DMGDH: variants seen among roughly 807,000 people sequenced by gnomAD.
DMGDH encodes the protein dimethylglycine dehydrogenase, mitochondrial.
Under a neutral mutation model 95.2 loss-of-function variants are expected in DMGDH, and 76 were observed. The ratio of observed to expected loss-of-function variants is 0.80; its 90% CI spans 0.66 to 0.97. The LOEUF is 0.97. Ranked by LOEUF, DMGDH falls within the 50% of genes least tolerant of loss-of-function variation. DMGDH has a pLI of 0.00. For synonymous variants in DMGDH, 345 were observed against 377.6 expected, an observed-to-expected ratio of 0.91 and a Z score of 1.00; for missense variants, 987 against 1,055.0, an observed-to-expected ratio of 0.94 and a Z score of 0.89.
At chr5:79,047,199 A>G (rs1293525946) in intron 5 of DMGDH, among the ~76,000 whole-genome samples, 7 of 152,166 alleles carry the variant, frequency 4.6e-5, no homozygotes, top group African/African-American at 1.7e-4. Context: ...AAAATCTACC[A>G]TTATCACCTG....
At chr5:79,059,613 G>A (rs142526928) in intron 2 of DMGDH, among the ~76,000 whole-genome samples, 321 of 152,308 alleles carry the variant, frequency 2.1e-3, no homozygotes, top group African/African-American at 6.9e-3. Context: ...ATATATGAGA[G>A]TTTTTCTATG....
chr5:79,015,719 C>T (rs1468335207), intron 14 of DMGDH, among the ~76,000 whole-genome samples: 1 of 152,152 alleles, frequency 6.6e-6, no homozygotes. Context: ...GCTCTAAGTG[C>T]TGTAAGGAGA....
rs372502808 is a variant in DMGDH, at chr5:79,033,239, C to T, written c.1363G>A (p.Val455Ile). 3.1e-6 allele frequency: 5 copies of T among 1,614,016 alleles called. No homozygotes were observed. Among genetic ancestry groups the T allele is most frequent in the East Asian group, 4.5e-5 (2 of 44,868 alleles). ...ARESYGFNNI[V>I]GYPKEERFAG... ...AGACAACAGTACATTTGTACCTTACCAATATTGTTGAATCCATATGATTCT... is the reference window on the plus strand; with the variant it reads ...AGACAACAGTACATTTGTACCTTACTAATATTGTTGAATCCATATGATTCT... Residue 455 changes from valine to isoleucine, a missense_variant and splice_region_variant, in exon 8 of 16, where the codon GTT (valine) becomes ATT (isoleucine). By Grantham distance (29) the Val-to-Ile change is conservative. Transcript: ENST00000255189.
intron 15 of DMGDH, chr5:79,000,315 C>T: frequency 1.5e-6 from 1 of 673,578 alleles, no homozygotes; most frequent in Non-Finnish European, 2.8e-6. Context: ...CTGCTCTTTC[C>T]CCATCATCCT....
In DMGDH at chr5:79,001,058, G is replaced by A. The variant is rs1359775973; in HGVS notation, c.2386-2761C>T. 6.0e-5 allele frequency: 40 copies of A among 666,944 alleles called. No homozygotes were observed. The East Asian group carries it at 1.0e-3, about 17-fold the overall frequency. 41.3% of individuals were successfully genotyped at this position (666,944 alleles called of 1,614,324 possible). A position where few individuals can be genotyped will look rare whatever the true frequency, so the allele number is the denominator to read the frequency against. ...TGACACACCATTCCTCGCCATCAAT[G>A]GCTACCATTGCTTCAATTTCCTCAT... On this transcript the variant is annotated intron_variant, in intron 15 of 15. Coordinates refer to ENST00000255189, the MANE Select transcript of DMGDH (RefSeq NM_013391.3).
intron 14 of DMGDH, among the ~76,000 whole-genome samples, 183 bp downstream of exon 14, chr5:79,024,088 T>G (rs975876984): frequency 6.6e-6 from 1 of 152,218 alleles, no homozygotes; most frequent in South Asian, 2.1e-4. Flanking sequence ...CACACTCCAA[T>G]AGTTTGAACT....
chr5:79,030,902 G>A lies in DMGDH; in HGVS notation c.1614C>T (p.Gly538=), dbSNP rs745935450. The change falls in exon 10 of 16, where the codon GGC becomes GGT. Residue 538 remains glycine, a synonymous_variant. Transcript: ENST00000255189. ...AATCTTGGCCTTTGATGTTAAACTT[G>A]CCAAATGGTGATAGGTCAGTTACCG... The part of the protein sequence containing the change: ...RVAVTDLSPF[G]KFNIKGQDSI... 8.1e-6 allele frequency: 13 copies of A among 1,614,100 alleles called. No homozygotes were observed. The East Asian group carries it at 2.9e-4, about 36-fold the overall frequency.
At chr5:79,023,206 G>A (rs1362508676) in intron 14 of DMGDH, among the ~76,000 whole-genome samples, 1 of 152,124 alleles carries the variant, frequency 6.6e-6, no homozygotes, top group Non-Finnish European at 1.5e-5. Flanking sequence ...ATGTATTCAC[G>A]TATTTCCACA....
chr5:79,069,313 T>C (rs2112686850), intron 1 of DMGDH, among the ~76,000 whole-genome samples: 1 of 152,354 alleles, frequency 6.6e-6, no homozygotes, highest in South Asian at 2.1e-4. Context: ...AATTGTTCAC[T>C]GGCCAAGGGG....
intron 13 of DMGDH, among the ~76,000 whole-genome samples, chr5:79,024,532 A>G (rs1001605997): frequency 6.6e-6 from 1 of 152,258 alleles, no homozygotes; most frequent in Non-Finnish European, 1.5e-5. Context: ...GGTCATTTGA[A>G]TATAACAAAT....
At chr5:79,016,973 A>C (rs1753745116) in intron 14 of DMGDH, among the ~76,000 whole-genome samples, 1 of 152,212 alleles carries the variant, frequency 6.6e-6, no homozygotes, top group Admixed American at 6.5e-5. Context: ...TGGTGCTGAA[A>C]GCAATTGGTT....
At chr5:79,065,219 C>CTTTT (rs35123793) in intron 1 of DMGDH, among the ~76,000 whole-genome samples, 1 of 129,646 alleles carries the variant, frequency 7.7e-6, no homozygotes, top group Admixed American at 8.1e-5. Flanking sequence ...TTTTCTTTTC[C>CTTTT]TTTTTTTTTT....
intron 11 of DMGDH, among the ~76,000 whole-genome samples, chr5:79,029,237 G>A (rs1754085287): frequency 6.6e-6 from 1 of 152,138 alleles, no homozygotes; most frequent in South Asian, 2.1e-4. Flanking sequence ...ACAAAGCTAA[G>A]CTATTAAGAT....
intron 11 of DMGDH, 31 bp downstream of exon 11, chr5:79,029,873 T>C (rs1354733122): frequency 6.2e-7 from 1 of 1,611,730 alleles, no homozygotes; most frequent in Non-Finnish European, 8.5e-7. Flanking sequence ...ATATAATGTG[T>C]ACAAAATTTT....
intron 2 of DMGDH, among the ~76,000 whole-genome samples, chr5:79,058,502 T>C (rs1208134353): frequency 6.6e-6 from 1 of 152,158 alleles, no homozygotes; most frequent in Admixed American, 6.5e-5. Flanking sequence ...GAAACTTTCA[T>C]ACAGGAAACA....
At chr5:79,005,244 C>A in intron 15 of DMGDH, 29 bp downstream of exon 15, 4 of 1,612,730 alleles carry the variant, frequency 2.5e-6, no homozygotes, top group Non-Finnish European at 3.4e-6. Flanking sequence ...GATGCCACAG[C>A]CCCTGGCAGT....
Position 79,005,259 on chromosome 5 carries a change from T to C in DMGDH, c.2385+14A>G. 6.2e-7 allele frequency: 1 copy of C among 1,613,126 alleles called. No individual in the cohort carries two copies. Among genetic ancestry groups the C allele is most frequent in the Non-Finnish European group, 8.5e-7 (1 of 1,179,768 alleles). On this transcript the variant is annotated intron_variant, in intron 15 of 15. Transcript: ENST00000255189. ...GATGCCACAGCCCCTGGCAGTGAGG[T>C]CCTCAGCACTCACCTTGCCATTGTA...
chr5:79,001,411 C>T lies in DMGDH; in HGVS notation c.2386-3114G>A, dbSNP rs373476238. 4.3e-4 allele frequency among the ~76,000 whole-genome samples: 65 copies of T among 152,312 alleles called. 2 individuals are homozygous for T. The highest frequency in any genetic ancestry group is 1.4e-3 in the African/African-American group (58 of 41,556). ...CTCCTGAACTCAAGTGATCAGCCCGCCTTGGCCTCCCAAAGTGCTGGGATT... is the reference window on the plus strand; with the variant it reads ...CTCCTGAACTCAAGTGATCAGCCCGTCTTGGCCTCCCAAAGTGCTGGGATT... On this transcript the variant is annotated intron_variant, in intron 15 of 15. Transcript: ENST00000255189.
At chr5:79,028,281 T>C (rs1754054387) in intron 12 of DMGDH, 152 bp downstream of exon 12, 1 of 682,560 alleles carries the variant, frequency 1.5e-6, no homozygotes, top group South Asian at 1.9e-5. Context: ...AAAATCTTCC[T>C]CCAAAGTCGC....
Sources: allele counts gnomAD v4.1 joint callset (sites outside exome capture counted in the v4.1 genomes callset), GRCh38; gene constraint gnomAD v4.1.1; transcripts MANE v1.5; gene names NCBI Gene and HGNC (gene_info 2026-07-23, HGNC 2026-07-21).